Variants in HOOK3 observed in about 807,000 individuals in gnomAD.
HOOK3 encodes the protein hook microtubule tethering protein 3.
A neutral mutation model predicts 116.3 loss-of-function variants in HOOK3; 24 were observed. The ratio of observed to expected loss-of-function variants is 0.21; its 90% CI spans 0.15 to 0.29. The LOEUF (loss-of-function observed/expected upper bound fraction) is 0.29, where lower values mean the gene tolerates loss of function less well. Ranked by LOEUF, HOOK3 falls within the 10% of genes least tolerant of loss-of-function variation. The pLI is 1.00. For missense variants in HOOK3, 632 were observed against 830.2 expected, an observed-to-expected ratio of 0.76 and a Z score of 2.93; for synonymous variants, 275 against 283.0, an observed-to-expected ratio of 0.97 and a Z score of 0.28.
rs952523541 is a variant in HOOK3 at position 42,980,047 on chromosome 8, T to A, written c.1322-2580T>A. ...GGTGCGATCTCTGCTCACTGCAACC[T>A]CCACCTCCCAGGTTCAAGTGATCTC... On this transcript the variant is annotated intron_variant, in intron 13 of 21. Coordinates refer to ENST00000307602, the MANE Select transcript of HOOK3 (RefSeq NM_032410.4). Among the ~76,000 whole-genome samples, 4 of 150,210 alleles carry A rather than the reference T, an allele frequency of 2.7e-5. No homozygotes were observed. In the East Asian group the frequency reaches 8.1e-4, roughly 30 times the overall value.
intron 2 of HOOK3, among the ~76,000 whole-genome samples, chr8:42,909,930 C>T (rs929636388): frequency 3.9e-5 from 6 of 152,006 alleles, no homozygotes; most frequent in African/African-American, 1.5e-4. Flanking sequence ...TTACCAGAGG[C>T]GGGGGGCCGA....
At chr8:42,963,425 G>T (rs1016170107) in intron 8 of HOOK3, among the ~76,000 whole-genome samples, 4 of 152,132 alleles carry the variant, frequency 2.6e-5, no homozygotes, top group Admixed American at 2.6e-4. Flanking sequence ...GTTGGCAAAC[G>T]TTTGGATTGT....
chr8:43,002,673 G>A (rs1809403288), intron 17 of HOOK3, among the ~76,000 whole-genome samples: 1 of 152,124 alleles, frequency 6.6e-6, no homozygotes, highest in African/African-American at 2.4e-5. Flanking sequence ...TAAAAGTTAA[G>A]AGACAAGGTC....
chr8:43,004,388 AAAG>A (rs1809434908), intron 17 of HOOK3, among the ~76,000 whole-genome samples: 2 of 149,692 alleles, frequency 1.3e-5, no homozygotes, highest in South Asian at 4.2e-4. Context: ...AAAAGAAAGA[AAAG>A]AAAAAAAAGT....
At chr8:43,011,079 G>T (rs1327623097) in intron 19 of HOOK3, among the ~76,000 whole-genome samples, 1 of 151,710 alleles carries the variant, frequency 6.6e-6, no homozygotes, top group African/African-American at 2.4e-5. Context: ...TGCAAGCTCC[G>T]CCTCCCGGGT....
intron 13 of HOOK3, among the ~76,000 whole-genome samples, chr8:42,977,640 G>T (rs1219656013): frequency 6.6e-6 from 1 of 152,184 alleles, no homozygotes; most frequent in Non-Finnish European, 1.5e-5. Flanking sequence ...GCCAAGGCAG[G>T]CAGATCACTT....
chr8:42,964,457 C>T lies in HOOK3; in HGVS notation c.762C>T (p.Leu254=), dbSNP rs775990816. The T allele has an allele frequency of 6.2e-7, 1 of 1,611,086 alleles. No individual in the cohort carries two copies. The highest frequency in any genetic ancestry group is 8.5e-7 in the Non-Finnish European group (1 of 1,179,322). Residue 254 remains leucine (L), a synonymous_variant, in exon 9 of 22, where the codon CTC becomes CTT. Transcript: ENST00000307602. ...HLQLQTQLEQ[L]QEETFRLEAA... is the part of the protein sequence containing the mutation. ...AGCTCCAGACTCAATTAGAACAGCT[C>T]CAAGAAGAAACATTCAGGTAAAAGA...
At chr8:42,913,652 G>C (rs188304005) in intron 2 of HOOK3, among the ~76,000 whole-genome samples, 25 of 152,286 alleles carry the variant, frequency 1.6e-4, no homozygotes, top group Middle Eastern at 3.4e-3. Flanking sequence ...GAGAGGAGTG[G>C]CTGGATCATA....
intron 18 of HOOK3, among the ~76,000 whole-genome samples, chr8:43,009,150 C>G (rs1226352975): frequency 6.6e-6 from 1 of 151,734 alleles, no homozygotes; most frequent in African/African-American, 2.4e-5. Context: ...TCCTGTAATC[C>G]TAGCACTTAT....
chr8:43,027,305 TCAAA>T lies in HOOK3; in HGVS notation c.*8808_*8811del, dbSNP rs1809949865. 1 of 288,346 alleles carries T rather than the reference TCAAA, an allele frequency of 3.5e-6. No individual in the cohort carries two copies. Among genetic ancestry groups the T allele is most frequent in the South Asian group, 3.7e-5 (1 of 26,972 alleles). The allele number at this position is 288,346 out of a possible 1,614,324, so 17.9% of individuals were successfully genotyped here. The stretch of plus-strand genomic sequence containing the variant: ...ATTTGTAACTTGAGTATATTAATAT[TCAAA>T]TCATAGTTCAAAAATACTGAAATAC... On this transcript the variant is annotated 3_prime_UTR_variant, in exon 22 of 22. Transcript: ENST00000307602.
chr8:43,002,273 G>A (rs933361840), intron 17 of HOOK3, 132 bp downstream of exon 17: 24 of 606,458 alleles, frequency 4.0e-5, no homozygotes, highest in Non-Finnish European at 6.2e-5. Context: ...TACATATTAT[G>A]AGAGTCTGAA....
chr8:43,010,257 TTA>T, intron 18 of HOOK3, 46 bp from the exon 19 acceptor site: 1 of 393,690 alleles, frequency 2.5e-6, no homozygotes, highest in Non-Finnish European at 4.0e-6. Context: ...TTATAACAAT[TTA>T]TATATATTAT....
At chr8:42,905,785 A>T (rs929742235) in intron 1 of HOOK3, among the ~76,000 whole-genome samples, 8 of 151,850 alleles carry the variant, frequency 5.3e-5, no homozygotes, top group African/African-American at 1.9e-4. Flanking sequence ...AAAAAAAAAA[A>T]AAAGCCTAAG....
intron 21 of HOOK3, among the ~76,000 whole-genome samples, chr8:43,014,383 G>A (rs556347028): frequency 6.0e-4 from 90 of 150,764 alleles, no homozygotes; most frequent in African/African-American, 2.0e-3. Flanking sequence ...ATAGAGTCTC[G>A]CTGTGTATCC....
chr8:42,964,809 A>G (rs1808601669), intron 9 of HOOK3, among the ~76,000 whole-genome samples: 1 of 152,062 alleles, frequency 6.6e-6, no homozygotes, highest in South Asian at 2.1e-4. Context: ...CCTGGGCAAC[A>G]GAACGCGACT....
In HOOK3 at chr8:42,906,154, C is replaced by A. The variant is rs201927379; in HGVS notation, c.58-19C>A. The A allele has an allele frequency of 5.7e-5, 63 of 1,103,302 alleles. 1 individual carries two copies. Among genetic ancestry groups the A allele is most frequent in the East Asian group, 2.4e-4 (8 of 33,408 alleles). The allele number at this position is 1,103,302 out of a possible 1,614,324, so 68.3% of individuals were successfully genotyped here. A position where few individuals can be genotyped will look rare whatever the true frequency, so the allele number is the denominator to read the frequency against. ...GTAACCACAGAATCTCTCCCCCCCC[C>A]CTCTTTTTTTCCCTTCAGATCCAGA... On this transcript the variant is annotated intron_variant, in intron 1 of 21. Transcript: ENST00000307602.
intron 2 of HOOK3, among the ~76,000 whole-genome samples, chr8:42,925,308 G>A (rs1157382757): frequency 6.6e-6 from 1 of 152,028 alleles, no homozygotes. Flanking sequence ...ATGTTGGCCA[G>A]GTGTGGTCTT....
At chr8:42,897,566 G>C (rs1400112783) in intron 1 of HOOK3, among the ~76,000 whole-genome samples, 3 of 152,242 alleles carry the variant, frequency 2.0e-5, no homozygotes, top group South Asian at 2.1e-4. Context: ...TCCGGCCCGG[G>C]AACTGAAAGG....
intron 14 of HOOK3, among the ~76,000 whole-genome samples, chr8:42,984,201 C>T (rs11988193): frequency 0.014 from 2,180 of 152,086 alleles, 52 homozygotes; most frequent in African/African-American, 0.051. Context: ...AACCCTGTCT[C>T]TACTAAAAAG....
Sources: gnomAD v4.1 joint callset for allele counts (sites outside exome capture counted in the v4.1 genomes callset) on GRCh38, gnomAD v4.1.1 for gene constraint, MANE v1.5 for transcripts, NCBI Gene and HGNC (gene_info 2026-07-23, HGNC 2026-07-21) for gene names.